CUX1: variants seen among roughly 807,000 people sequenced by gnomAD.
The protein encoded by CUX1 is cut like homeobox 1, also known as protein CASP.
CUX1 carries 31 observed loss-of-function variants against 158.8 expected under a neutral mutation model. The observed-to-expected ratio is 0.20, with a 90% CI of 0.15 to 0.26. The LOEUF (loss-of-function observed/expected upper bound fraction) is 0.26. Ranked by LOEUF, CUX1 falls within the 10% of genes least tolerant of loss-of-function variation. CUX1 has a pLI of 1.00. For missense variants in CUX1, 1,589 were observed against 2,014.6 expected (o/e 0.79, Z 4.04); for synonymous variants, 879 against 862.1 (o/e 1.02, Z -0.34).
chr7:102,222,056 C>T (rs912576861), intron 20 of CUX1, among the ~76,000 whole-genome samples: 20 of 152,078 alleles, frequency 1.3e-4, no homozygotes, highest in Middle Eastern at 6.8e-3. Context: ...CCCAGGAGTT[C>T]GAGACCAGTC....
intron 1 of CUX1, among the ~76,000 whole-genome samples, chr7:101,868,459 T>C (rs1294893069): frequency 6.6e-6 from 1 of 152,080 alleles, no homozygotes; most frequent in Non-Finnish European, 1.5e-5. Flanking sequence ...CTCAGTCTTT[T>C]CCCCCAGGGA....
intron 3 of CUX1, among the ~76,000 whole-genome samples, chr7:102,034,132 C>T (rs1372295068): frequency 9.1e-5 from 10 of 109,632 alleles, no homozygotes; most frequent in Non-Finnish European, 1.4e-4. Flanking sequence ...GGTGACAGAG[C>T]GAGACTCCAT....
chr7:102,075,647 C>T (rs185140592), intron 4 of CUX1, among the ~76,000 whole-genome samples: 1 of 152,280 alleles, frequency 6.6e-6, no homozygotes, highest in African/African-American at 2.4e-5. Context: ...CTACTGTTCC[C>T]ACTGAACCAC....
chr7:102,016,909 T>G (rs1344218436), intron 2 of CUX1, among the ~76,000 whole-genome samples: 3 of 152,140 alleles, frequency 2.0e-5, no homozygotes. Flanking sequence ...AAAGTCGGAG[T>G]CACACGTCCT....
At chr7:102,011,765 A>AC (rs1818057799) in intron 2 of CUX1, among the ~76,000 whole-genome samples, 1 of 152,056 alleles carries the variant, frequency 6.6e-6, no homozygotes, top group South Asian at 2.1e-4. Context: ...ACGGAGGTAC[A>AC]CCCCTCTCAT....
chr7:102,147,918 G>A (rs567512924), intron 8 of CUX1, among the ~76,000 whole-genome samples: 2 of 152,286 alleles, frequency 1.3e-5, no homozygotes, highest in African/African-American at 2.4e-5. Flanking sequence ...GGAGGTTACA[G>A]TGAACCGAGA....
At chr7:102,265,366 A>G (rs535081109) in intron 14 of CUX1, among the ~76,000 whole-genome samples, 6 of 151,564 alleles carry the variant, frequency 4.0e-5, no homozygotes, top group African/African-American at 1.2e-4. Context: ...CAAAAAAAAA[A>G]AAAGAGAAAG....
intron 1 of CUX1, among the ~76,000 whole-genome samples, chr7:101,846,236 G>A (rs2131211974): frequency 6.6e-6 from 1 of 152,210 alleles, no homozygotes; most frequent in Admixed American, 6.5e-5. Flanking sequence ...AGCATAGATG[G>A]CCCAGCTGCC....
At position 102,064,145 on chromosome 7, in the gene CUX1, C is replaced by T. The variant is rs149526572; in HGVS notation, c.190-6194C>T. Among the ~76,000 whole-genome samples the T allele has an allele frequency of 5.8e-4, 88 of 152,316 alleles. 1 individual carries two copies. Among genetic ancestry groups the T allele is most frequent in the Middle Eastern group, 3.4e-3 (1 of 294 alleles). ...CCCTCAGAGCAGGACAGGTTTTACC[C>T]AAGGCTGCAGGCCAGTGTCTAACCG... On this transcript the variant is annotated intron_variant, in intron 3 of 23. Transcript: ENST00000292535.
At chr7:102,221,069 C>T (rs1325715980) in intron 20 of CUX1, among the ~76,000 whole-genome samples, 1 of 152,166 alleles carries the variant, frequency 6.6e-6, no homozygotes, top group Non-Finnish European at 1.5e-5. Flanking sequence ...CCCCTCTCCC[C>T]TAACCTCCTC....
chr7:101,936,049 G>A (rs1806889793), intron 2 of CUX1, among the ~76,000 whole-genome samples: 1 of 152,164 alleles, frequency 6.6e-6, no homozygotes, highest in Admixed American at 6.5e-5. Context: ...GGCAGTTGCA[G>A]GCCCTGAGGC....
At chr7:101,947,505 T>C (rs1808537972) in intron 2 of CUX1, among the ~76,000 whole-genome samples, 1 of 152,202 alleles carries the variant, frequency 6.6e-6, no homozygotes, top group Admixed American at 6.5e-5. Flanking sequence ...ATCAGTTTCT[T>C]AAAGAAACTG....
chr7:102,267,233 T>C (rs1790877324), intron 14 of CUX1, among the ~76,000 whole-genome samples: 1 of 149,926 alleles, frequency 6.7e-6, no homozygotes, highest in South Asian at 2.1e-4. Flanking sequence ...GGCCTGCAAG[T>C]GATTTAATAA....
chr7:101,894,240 A>G (rs978979654), intron 1 of CUX1, among the ~76,000 whole-genome samples: 1 of 152,268 alleles, frequency 6.6e-6, no homozygotes, highest in African/African-American at 2.4e-5. Flanking sequence ...TTCCTCAGAA[A>G]GTTATGCAAG....
chr7:101,822,822 G>T (rs570778514), intron 1 of CUX1, among the ~76,000 whole-genome samples: 13 of 151,714 alleles, frequency 8.6e-5, no homozygotes, highest in Non-Finnish European at 1.3e-4. Context: ...AATTGCTTGA[G>T]CCCAGGAGGT....
intron 1 of CUX1, among the ~76,000 whole-genome samples, chr7:101,861,396 C>T (rs1797445447): frequency 6.6e-6 from 1 of 152,224 alleles, no homozygotes; most frequent in African/African-American, 2.4e-5. Flanking sequence ...TGTTAAGAGC[C>T]AGTAACAGGT....
At chr7:102,055,918 C>G (rs1244746907) in intron 3 of CUX1, among the ~76,000 whole-genome samples, 4 of 152,176 alleles carry the variant, frequency 2.6e-5, no homozygotes, top group Non-Finnish European at 2.9e-5. Flanking sequence ...AGCCTTATTT[C>G]TGATAGGGAG....
At chr7:101,816,261 C>T (rs1485167523), upstream of CUX1, among the ~76,000 whole-genome samples, 2 of 145,304 alleles carry the variant, frequency 1.4e-5, no homozygotes, top group East Asian at 4.1e-4. Context: ...CCCTCCCGCT[C>T]CCCGGCCCCC....
chr7:101,989,725 C>T (rs1034386074), intron 2 of CUX1, among the ~76,000 whole-genome samples: 3 of 152,206 alleles, frequency 2.0e-5, no homozygotes, highest in African/African-American at 7.2e-5. Context: ...TCTCCTCCAG[C>T]TGGGCCACAC....
Sources: gnomAD v4.1 joint callset for allele counts (sites outside exome capture counted in the v4.1 genomes callset) on GRCh38, gnomAD v4.1.1 for gene constraint, MANE v1.5 for transcripts, NCBI Gene and HGNC (gene_info 2026-07-23, HGNC 2026-07-21) for gene names.